ALX3: variants seen among roughly 807,000 people sequenced by gnomAD.
ALX3 encodes ALX homeobox 3, also known as homeobox protein aristaless-like 3.
In ALX3, 17 loss-of-function variants were observed where a neutral mutation model predicts 26.3. The observed-to-expected ratio is 0.65, with a 90% CI of 0.44 to 0.97. The LOEUF (loss-of-function observed/expected upper bound fraction) is 0.97. ALX3 is among the 50% of genes least tolerant of loss of function. The pLI is 0.00. For missense variants in ALX3, 461 were observed against 466.5 expected (o/e 0.99, Z 0.11); for synonymous variants, 208 against 201.4 (o/e 1.03, Z -0.28).
chr1:110,061,405 G>C, intron 3 of ALX3, 30 bp downstream of exon 3: 1 of 1,614,206 alleles, frequency 6.2e-7, no homozygotes, highest in East Asian at 2.2e-5. Context: ...ACCCTGCCAG[G>C]TCCTGGTTCA....
At chr1:110,067,357 A>G (rs1653815340) in intron 1 of ALX3, among the ~76,000 whole-genome samples, 1 of 152,130 alleles carries the variant, frequency 6.6e-6, no homozygotes, top group Non-Finnish European at 1.5e-5. Context: ...AAGGCGGGGT[A>G]CTCATGTTGG....
intron 2 of ALX3, 132 bp downstream of exon 2, chr1:110,064,455 G>T: frequency 9.0e-7 from 1 of 1,109,388 alleles, no homozygotes; most frequent in Non-Finnish European, 1.3e-6. Context: ...AGGAGGGGAA[G>T]GCTGGTGCAG....
At position 110,061,513 on chromosome 1, in the gene ALX3, C is replaced by G; in HGVS notation, c.645G>C (p.Gly215=). The G allele has an allele frequency of 6.2e-7, 1 of 1,614,226 alleles. No homozygotes were observed. The highest frequency in any genetic ancestry group is 1.3e-5 in the African/African-American group (1 of 75,062). ...RAKWRKRERY[G]KIQEGRNPFT... ...AGGGGTTCCGCCCCTCCTGGATCTTCCCATAACGCTCGCGCTTCCGCCACT... is the reference window on the plus strand; with the variant it reads ...AGGGGTTCCGCCCCTCCTGGATCTTGCCATAACGCTCGCGCTTCCGCCACT... The change falls in exon 3 of 4, where the codon GGG becomes GGC. Residue 215 remains glycine (G), a synonymous_variant. Coordinates refer to ENST00000647563, the MANE Select transcript of ALX3 (RefSeq NM_006492.3).
chr1:110,070,445 G>C lies in ALX3; in HGVS notation c.168C>G (p.Pro56=), dbSNP rs1653891295. 3.2e-6 allele frequency: 4 copies of C among 1,258,120 alleles called. No homozygotes were observed. The highest frequency in any genetic ancestry group is 4.0e-6 in the Non-Finnish European group (4 of 1,002,750). 77.9% of individuals were successfully genotyped at this position (1,258,120 alleles called of 1,614,324 possible). The change falls in exon 1 of 4, where the codon CCC becomes CCG. Residue 56 remains proline, a synonymous_variant. Transcript: ENST00000647563. The part of the protein sequence containing the change: ...PRLTRFPACG[P]LEPYLPEPAK... Reference sequence around the variant, plus strand: ...CCGGCTCTGGGAGGTAGGGCTCCAGGGGCCCGCAGGCCGGAAAGCGGGTCA... The same window carrying C: ...CCGGCTCTGGGAGGTAGGGCTCCAGCGGCCCGCAGGCCGGAAAGCGGGTCA...
At chr1:110,068,105 G>A (rs1653832356) in intron 1 of ALX3, among the ~76,000 whole-genome samples, 1 of 152,260 alleles carries the variant, frequency 6.6e-6, no homozygotes, top group South Asian at 2.1e-4. Flanking sequence ...TCTCAGCAAA[G>A]GGCGGCCTGG....
chr1:110,070,312 G>T, intron 1 of ALX3, 24 bp downstream of exon 1: 3 of 1,292,066 alleles, frequency 2.3e-6, no homozygotes, highest in East Asian at 2.8e-5. Flanking sequence ...CGGGCTGCGC[G>T]CTACGCCCCG....
At chr1:110,061,316 G>A (rs1653637135) in intron 3 of ALX3, 119 bp downstream of exon 3, 2 of 1,454,288 alleles carry the variant, frequency 1.4e-6, no homozygotes, top group Non-Finnish European at 9.5e-7. Flanking sequence ...AGAAAGAAGT[G>A]AAGTGGTGTA....
intron 3 of ALX3, 186 bp downstream of exon 3, chr1:110,061,249 A>AT: frequency 2.7e-6 from 3 of 1,130,368 alleles, no homozygotes; most frequent in Non-Finnish European, 3.8e-6. Context: ...TTCTTCTGTG[A>AT]TTCCTTTGTG....
At chr1:110,062,897 A>G (rs1158259990) in intron 2 of ALX3, among the ~76,000 whole-genome samples, 2 of 152,134 alleles carry the variant, frequency 1.3e-5, no homozygotes, top group Non-Finnish European at 2.9e-5. Flanking sequence ...CAGCCAGTGA[A>G]TCTGGCTATT....
chr1:110,060,105 A>G lies in ALX3; in HGVS notation c.*628T>C, dbSNP rs1653592726. The G allele has an allele frequency of 6.6e-6, 1 of 152,130 alleles. No homozygotes were observed. The highest frequency in any genetic ancestry group is 2.4e-5 in the African/African-American group (1 of 41,414). 9.4% of individuals were successfully genotyped at this position (152,130 alleles called of 1,614,324 possible). A position where few individuals can be genotyped will look rare whatever the true frequency, so the allele number is the denominator to read the frequency against. ...CAAATATGTGGTGATTTCTGGTGGA[A>G]TTTCTGCCCCCTTGGAGGGGAAGAT... is the stretch of plus-strand genomic sequence containing the variant. On this transcript the variant is annotated 3_prime_UTR_variant, in exon 4 of 4. Coordinates refer to ENST00000647563, the MANE Select transcript of ALX3 (RefSeq NM_006492.3).
At chr1:110,061,676 G>T in intron 2 of ALX3, 113 bp from the exon 3 acceptor site, 1 of 1,474,100 alleles carries the variant, frequency 6.8e-7, no homozygotes, top group Non-Finnish European at 9.2e-7. Context: ...CAGGCTCCAG[G>T]ATGGAGGATC....
intron 1 of ALX3, among the ~76,000 whole-genome samples, chr1:110,068,403 GCCGCAGGGACGCTGGCAGC>G (rs1653839789): frequency 1.3e-5 from 2 of 152,218 alleles, no homozygotes; most frequent in Non-Finnish European, 2.9e-5. Flanking sequence ...GGTCCGCTCT[GCCGCAGGGACGCTGGCAGC>G]CCGTTGAACA....
At chr1:110,061,768 T>C in intron 2 of ALX3, 1 of 750,400 alleles carries the variant, frequency 1.3e-6, no homozygotes, top group Non-Finnish European at 2.1e-6. Flanking sequence ...CAGTGGGTAA[T>C]TGGCCCCATG....
intron 2 of ALX3, 116 bp downstream of exon 2, chr1:110,064,471 T>A: frequency 7.7e-7 from 1 of 1,296,952 alleles, no homozygotes; most frequent in Non-Finnish European, 1.1e-6. Context: ...TGCAGGCCCC[T>A]GGGAAAGGTA....
intron 1 of ALX3, among the ~76,000 whole-genome samples, chr1:110,068,082 C>G (rs1434554797): frequency 6.6e-6 from 1 of 152,232 alleles, no homozygotes; most frequent in African/African-American, 2.4e-5. Context: ...GGGTTCAGAG[C>G]AAGGCTGGGC....
chr1:110,061,875 G>GC, intron 2 of ALX3: 1 of 434,320 alleles, frequency 2.3e-6, no homozygotes, highest in Non-Finnish European at 4.2e-6. Flanking sequence ...GGCCTCAGGG[G>GC]CCCTAGGTAC....
At chr1:110,070,258 A>G in intron 1 of ALX3, 78 bp downstream of exon 1, 1 of 1,264,272 alleles carries the variant, frequency 7.9e-7, no homozygotes, top group Non-Finnish European at 1.0e-6. Context: ...AGAGATAAGC[A>G]GGAAGGCCCG....
intron 2 of ALX3, 197 bp from the exon 3 acceptor site, chr1:110,061,760 G>C (rs953563606): frequency 5.1e-5 from 41 of 808,722 alleles, no homozygotes; most frequent in Non-Finnish European, 7.5e-5. Context: ...CAAGCCCACA[G>C]TGGGTAATTG....
chr1:110,061,780 G>T, intron 2 of ALX3: 1 of 657,822 alleles, frequency 1.5e-6, no homozygotes, highest in Non-Finnish European at 2.5e-6. Flanking sequence ...GGCCCCATGG[G>T]CCTCCAGCTG....
Sources: allele counts gnomAD v4.1 joint callset (sites outside exome capture counted in the v4.1 genomes callset), GRCh38; gene constraint gnomAD v4.1.1; transcripts MANE v1.5; gene names NCBI Gene and HGNC (gene_info 2026-07-23, HGNC 2026-07-21).